Variants in PEAK1 observed in about 807,000 individuals in gnomAD.
PEAK1 encodes inactive tyrosine-protein kinase PEAK1.
Under a neutral mutation model 124.7 loss-of-function variants are expected in PEAK1, and 54 were observed. The ratio of observed to expected loss-of-function variants is 0.43; its 90% CI spans 0.35 to 0.54. PEAK1 has a LOEUF of 0.54. Among genes scored for constraint, PEAK1 ranks in the 20% least tolerant of loss-of-function variants. PEAK1 has a pLI of 0.01. For synonymous variants in PEAK1, 719 were observed against 760.0 expected, an observed-to-expected ratio of 0.95 and a Z score of 0.89; for missense variants, 2,046 against 2,134.5, an observed-to-expected ratio of 0.96 and a Z score of 0.82.
chr15:77,403,564 C>A (rs892856290), intron 1 of PEAK1: 1 of 971,266 alleles, frequency 1.0e-6, no homozygotes, highest in African/African-American at 1.8e-5. Context: ...AGTTCTTTCA[C>A]ATATATTCAG....
At chr15:77,403,102 C>G in intron 1 of PEAK1, 1 of 985,338 alleles carries the variant, frequency 1.0e-6, no homozygotes. Flanking sequence ...GAAACCCTTT[C>G]TAAATTGGAG....
At chr15:77,251,223 A>G (rs1387775895) in intron 6 of PEAK1, among the ~76,000 whole-genome samples, 1 of 152,242 alleles carries the variant, frequency 6.6e-6, no homozygotes, top group African/African-American at 2.4e-5. Flanking sequence ...CATGCATTGA[A>G]ATAATTCTGG....
In PEAK1 at chr15:77,420,083, C is replaced by A. The variant is rs1390189552; in HGVS notation, c.-743G>T. On this transcript the variant is annotated 5_prime_UTR_variant, in exon 1 of 10. Coordinates refer to ENST00000682557, the MANE Select transcript of PEAK1 (RefSeq NM_001385026.1). The stretch of plus-strand genomic sequence containing the variant: ...CCTTCCTGGTGACCACGGCCGCCGC[C>A]GCCGAGCAACTGACACTGACTAACA... 6.6e-6 allele frequency: 1 copy of A among 150,840 alleles called. No homozygotes were observed. The highest frequency in any genetic ancestry group is 1.5e-5 in the Non-Finnish European group (1 of 67,762). 9.3% of individuals were successfully genotyped at this position (150,840 alleles called of 1,614,324 possible).
intron 1 of PEAK1, among the ~76,000 whole-genome samples, chr15:77,397,754 A>G (rs1258389116): frequency 6.6e-6 from 1 of 152,144 alleles, no homozygotes; most frequent in Non-Finnish European, 1.5e-5. Context: ...ACCTGAACAG[A>G]CCAATAACAA....
At chr15:77,332,265 C>G (rs532125970) in intron 2 of PEAK1, 1 of 985,070 alleles carries the variant, frequency 1.0e-6, no homozygotes, top group East Asian at 1.1e-4. Context: ...CCCCCTGAAA[C>G]TAAACAGGAA....
At chr15:77,304,842 C>T (rs764465931) in intron 2 of PEAK1, among the ~76,000 whole-genome samples, 6 of 152,074 alleles carry the variant, frequency 3.9e-5, no homozygotes, top group Non-Finnish European at 8.8e-5. Context: ...AGTTTTAGAA[C>T]AACTTTCATA....
At chr15:77,352,876 G>GTA in intron 2 of PEAK1, 1 of 985,364 alleles carries the variant, frequency 1.0e-6, no homozygotes, top group Non-Finnish European at 1.2e-6. Context: ...GACATTTAGT[G>GTA]AAGGATCAAT....
intron 2 of PEAK1, among the ~76,000 whole-genome samples, chr15:77,326,498 A>G: frequency 6.6e-6 from 1 of 152,168 alleles, no homozygotes. Context: ...TAACAAAGCT[A>G]AAAAGCTCTC....
At chr15:77,327,179 T>A (rs1456002256) in intron 2 of PEAK1, among the ~76,000 whole-genome samples, 1 of 152,178 alleles carries the variant, frequency 6.6e-6, no homozygotes, top group Non-Finnish European at 1.5e-5. Context: ...AAAGTTTTCA[T>A]ACTAAAAAGT....
In PEAK1 at chr15:77,351,990, G is replaced by A. The variant is rs947418803; in HGVS notation, c.-603+13173C>T. On this transcript the variant is annotated intron_variant, in intron 2 of 9. Transcript: ENST00000682557. ...AATACCAGCAATTTGGGAGGCCAAG[G>A]CGGGAGTATAGCTTGAGCCCAGGAG... is the stretch of plus-strand genomic sequence containing the variant. The A allele has an allele frequency of 4.1e-6, 4 of 973,112 alleles. No individual in the cohort carries two copies. The African/African-American group carries it at 7.0e-5, about 17-fold the overall frequency. 60.3% of individuals were successfully genotyped at this position (973,112 alleles called of 1,614,324 possible).
At chr15:77,250,716 T>C (rs1217455029) in intron 6 of PEAK1, among the ~76,000 whole-genome samples, 1 of 151,904 alleles carries the variant, frequency 6.6e-6, no homozygotes, top group Non-Finnish European at 1.5e-5. Flanking sequence ...TACAGGCGTA[T>C]GCCACTGCAC....
chr15:77,241,047 A>C (rs1354719824), intron 6 of PEAK1, among the ~76,000 whole-genome samples: 1 of 152,190 alleles, frequency 6.6e-6, no homozygotes, highest in Non-Finnish European at 1.5e-5. Flanking sequence ...GTACTAAAAA[A>C]ATCAATAAAA....
intron 2 of PEAK1, chr15:77,333,032 T>G: frequency 5.2e-6 from 5 of 957,962 alleles, no homozygotes; most frequent in Non-Finnish European, 6.2e-6. Flanking sequence ...CTTCATACAT[T>G]AAAGGTGTTA....
chr15:77,111,624 T>C lies in PEAK1; in HGVS notation c.*2532A>G, dbSNP rs2050980604. ...AAAAACATCTGATATGAAGAGGTGC[T>C]TGGTTTACCAGTGCTGTAAGATAAT... is the stretch of plus-strand genomic sequence containing the variant. On this transcript the variant is annotated 3_prime_UTR_variant, in exon 10 of 10. Coordinates refer to ENST00000682557, the MANE Select transcript of PEAK1 (RefSeq NM_001385026.1). 6.6e-6 allele frequency: 1 copy of C among 152,216 alleles called. No homozygotes were observed. Among genetic ancestry groups the C allele is most frequent in the Non-Finnish European group, 1.5e-5 (1 of 68,046 alleles). The allele number at this position is 152,216 out of a possible 1,614,324, so 9.4% of individuals were successfully genotyped here.
At chr15:77,392,077 T>A (rs1014343815) in intron 1 of PEAK1, among the ~76,000 whole-genome samples, 1 of 152,228 alleles carries the variant, frequency 6.6e-6, no homozygotes, top group African/African-American at 2.4e-5. Flanking sequence ...TGAAATTAAC[T>A]TCCTGGGCAG....
At chr15:77,312,810 T>C (rs1412217062) in intron 2 of PEAK1, among the ~76,000 whole-genome samples, 1 of 152,228 alleles carries the variant, frequency 6.6e-6, no homozygotes. Flanking sequence ...CCAGTGGACT[T>C]GTACTTACAT....
intron 5 of PEAK1, among the ~76,000 whole-genome samples, chr15:77,271,560 G>A (rs1476173268): frequency 6.6e-6 from 1 of 152,130 alleles, no homozygotes; most frequent in Non-Finnish European, 1.5e-5. Flanking sequence ...ACTGGATTAA[G>A]AAAATGTGGC....
intron 9 of PEAK1, among the ~76,000 whole-genome samples, chr15:77,128,383 C>A (rs1203803306): frequency 6.6e-6 from 1 of 152,194 alleles, no homozygotes; most frequent in African/African-American, 2.4e-5. Flanking sequence ...GAAAGTGATA[C>A]AGAAACATCA....
intron 1 of PEAK1, among the ~76,000 whole-genome samples, chr15:77,394,257 T>C (rs2070719898): frequency 6.6e-6 from 1 of 152,192 alleles, no homozygotes; most frequent in Non-Finnish European, 1.5e-5. Context: ...CTGCTGATTG[T>C]AGAGTTCTAG....
Sources: gnomAD v4.1 joint callset for allele counts (sites outside exome capture counted in the v4.1 genomes callset) on GRCh38, gnomAD v4.1.1 for gene constraint, MANE v1.5 for transcripts, NCBI Gene and HGNC (gene_info 2026-07-23, HGNC 2026-07-21) for gene names.